TSHZ2: variants seen among roughly 807,000 people sequenced by gnomAD.
TSHZ2 encodes the protein teashirt homolog 2.
Under a neutral mutation model 74.4 loss-of-function variants are expected in TSHZ2, and 21 were observed. The observed-to-expected ratio is 0.28, with a 90% CI of 0.20 to 0.41. TSHZ2 has a LOEUF of 0.41. Ranked by LOEUF, TSHZ2 falls within the 10% of genes least tolerant of loss-of-function variation. The pLI is 1.00. For missense variants in TSHZ2, 1,244 were observed against 1,293.5 expected, an observed-to-expected ratio of 0.96 and a Z score of 0.59; for synonymous variants, 540 against 515.3, an observed-to-expected ratio of 1.05 and a Z score of -0.65.
At chr20:53,365,870 C>A (rs555992754) in intron 2 of TSHZ2, among the ~76,000 whole-genome samples, 74 of 152,338 alleles carry the variant, frequency 4.9e-4, no homozygotes, top group Admixed American at 2.0e-3. Flanking sequence ...TCTGATGGTC[C>A]AGAGATCCTT....
At chr20:53,434,903 CGT>C (rs1351489182) in intron 2 of TSHZ2, among the ~76,000 whole-genome samples, 1 of 152,214 alleles carries the variant, frequency 6.6e-6, no homozygotes, top group Non-Finnish European at 1.5e-5. Flanking sequence ...GCTCCTCGAG[CGT>C]GTTTGTTCAG....
At chr20:53,264,558 A>G (rs1402404722) in intron 2 of TSHZ2, among the ~76,000 whole-genome samples, 1 of 152,222 alleles carries the variant, frequency 6.6e-6, no homozygotes, top group Admixed American at 6.5e-5. Flanking sequence ...CAAAAACCCC[A>G]GCCCAAAGGA....
At chr20:53,066,763 C>A (rs1282865961) in intron 1 of TSHZ2, among the ~76,000 whole-genome samples, 1 of 152,194 alleles carries the variant, frequency 6.6e-6, no homozygotes, top group Admixed American at 6.5e-5. Context: ...GCCTCGGCCT[C>A]CCAAAGTGTT....
intron 2 of TSHZ2, among the ~76,000 whole-genome samples, chr20:53,283,343 G>A (rs1378190435): frequency 2.0e-5 from 3 of 152,126 alleles, no homozygotes; most frequent in East Asian, 1.9e-4. Flanking sequence ...TACTATGTCC[G>A]AGGCACTCTT....
At chr20:53,116,739 A>G (rs780218283) in intron 1 of TSHZ2, among the ~76,000 whole-genome samples, 6 of 152,152 alleles carry the variant, frequency 3.9e-5, no homozygotes, top group African/African-American at 9.7e-5. Flanking sequence ...CTGGCCTCCC[A>G]AATGTTTGTT....
intron 2 of TSHZ2, among the ~76,000 whole-genome samples, chr20:53,280,665 TTTGTTGTTG>T (rs142111177): frequency 2.1e-5 from 3 of 140,618 alleles, no homozygotes; most frequent in African/African-American, 8.1e-5. Flanking sequence ...TTGTTTGTTT[TTTGTTGTTG>T]TTGTTGTTGT....
At chr20:53,446,006 C>T (rs1025365356) in intron 2 of TSHZ2, among the ~76,000 whole-genome samples, 11 of 152,134 alleles carry the variant, frequency 7.2e-5, no homozygotes, top group African/African-American at 2.4e-4. Flanking sequence ...CCTCCACAAC[C>T]GCTGTGGTAG....
At chr20:52,998,005 T>C (rs1017719436) in intron 1 of TSHZ2, among the ~76,000 whole-genome samples, 1 of 152,160 alleles carries the variant, frequency 6.6e-6, no homozygotes, top group East Asian at 1.9e-4. Flanking sequence ...AGAATCTGCA[T>C]TTTCAGAGGA....
At chr20:53,135,838 C>G (rs1339320240) in intron 1 of TSHZ2, among the ~76,000 whole-genome samples, 2 of 152,034 alleles carry the variant, frequency 1.3e-5, no homozygotes, top group Non-Finnish European at 2.9e-5. Flanking sequence ...CTCCTGGGCT[C>G]AAATGATCCT....
At chr20:53,039,713 G>A (rs1474001557) in intron 1 of TSHZ2, among the ~76,000 whole-genome samples, 1 of 152,108 alleles carries the variant, frequency 6.6e-6, no homozygotes, top group Non-Finnish European at 1.5e-5. Context: ...CTGGGAGGAG[G>A]AGGTTGCAGT....
intron 1 of TSHZ2, among the ~76,000 whole-genome samples, chr20:53,223,151 T>C (rs1244171810): frequency 1.3e-5 from 2 of 151,342 alleles, no homozygotes; most frequent in Admixed American, 6.6e-5. Flanking sequence ...TTTTTTTTGG[T>C]CAAAAGCATC....
chr20:53,145,118 A>G (rs1405418511), intron 1 of TSHZ2, among the ~76,000 whole-genome samples: 2 of 152,154 alleles, frequency 1.3e-5, no homozygotes, highest in African/African-American at 4.8e-5. Flanking sequence ...CACAAGAAAA[A>G]CAGGTGAAGA....
intron 1 of TSHZ2, among the ~76,000 whole-genome samples, chr20:52,981,793 A>G (rs1401204133): frequency 6.6e-6 from 1 of 152,204 alleles, no homozygotes; most frequent in East Asian, 1.9e-4. Flanking sequence ...GGTAACAATG[A>G]TATCTGCCAC....
intron 2 of TSHZ2, among the ~76,000 whole-genome samples, chr20:53,355,458 T>C (rs1012622666): frequency 2.0e-5 from 3 of 152,226 alleles, no homozygotes; most frequent in Admixed American, 6.5e-5. Context: ...GTTCATACTA[T>C]TATAATGATA....
At chr20:53,420,818 G>A (rs1358926018) in intron 2 of TSHZ2, among the ~76,000 whole-genome samples, 1 of 152,160 alleles carries the variant, frequency 6.6e-6, no homozygotes, top group Non-Finnish European at 1.5e-5. Context: ...AATGCCTCAT[G>A]CTGTACACCC....
chr20:53,319,053 C>G (rs1193837238), intron 2 of TSHZ2, among the ~76,000 whole-genome samples: 2 of 152,166 alleles, frequency 1.3e-5, no homozygotes, highest in African/African-American at 4.8e-5. Context: ...AGGCTCTCCC[C>G]CATGATTTAA....
chr20:52,998,021 A>AG (rs1228073117), intron 1 of TSHZ2, among the ~76,000 whole-genome samples: 10 of 152,084 alleles, frequency 6.6e-5, no homozygotes, highest in Non-Finnish European at 1.2e-4. Flanking sequence ...GAGGATGCTC[A>AG]GGGGGGGATT....
chr20:53,367,212 A>G (rs1371435112), intron 2 of TSHZ2, among the ~76,000 whole-genome samples: 10 of 151,814 alleles, frequency 6.6e-5, no homozygotes, highest in Admixed American at 4.6e-4. Context: ...CCTGGTCAAC[A>G]TGGTGAAACC....
chr20:53,147,110 TG>T (rs139309884), intron 1 of TSHZ2, among the ~76,000 whole-genome samples: 9,445 of 152,234 alleles, frequency 0.062, 353 homozygotes, highest in Non-Finnish European at 0.088. Context: ...ACATGCTTTT[TG>T]TTTTTTATTC....
Sources: allele counts gnomAD v4.1 joint callset (sites outside exome capture counted in the v4.1 genomes callset), GRCh38; gene constraint gnomAD v4.1.1; transcripts MANE v1.5; gene names NCBI Gene and HGNC (gene_info 2026-07-23, HGNC 2026-07-21).